EFCAB6: variants seen among roughly 807,000 people sequenced by gnomAD.
EFCAB6 encodes the protein EF-hand calcium-binding domain-containing protein 6.
In EFCAB6, 156 loss-of-function variants were observed where a neutral mutation model predicts 169.8. That is an observed-to-expected ratio of 0.92 (90% CI 0.81 to 1.05). EFCAB6 has a LOEUF of 1.05. EFCAB6 is among the 50% of genes least tolerant of loss of function. The probability of loss-of-function intolerance (pLI) is 0.00; values close to 1 mark genes in which losing one functional copy is unlikely to be tolerated. For synonymous variants in EFCAB6, 698 were observed against 676.4 expected (o/e 1.03, Z -0.50); for missense variants, 1,800 against 1,829.1 (o/e 0.98, Z 0.29).
At chr22:43,679,032 A>G (rs1430141769) in intron 12 of EFCAB6, among the ~76,000 whole-genome samples, 3 of 152,200 alleles carry the variant, frequency 2.0e-5, no homozygotes, top group Non-Finnish European at 4.4e-5. Flanking sequence ...AAGAGAAATC[A>G]CTGACAGCTA....
At chr22:43,780,742 C>G (rs986358754) in intron 3 of EFCAB6, among the ~76,000 whole-genome samples, 1 of 152,152 alleles carries the variant, frequency 6.6e-6, no homozygotes, top group African/African-American at 2.4e-5. Flanking sequence ...TGGGTAGACA[C>G]ACGGTTGTTG....
chr22:43,798,484 C>T (rs969353688), intron 2 of EFCAB6, among the ~76,000 whole-genome samples: 6 of 152,174 alleles, frequency 3.9e-5, no homozygotes, highest in African/African-American at 1.4e-4. Context: ...CCTTCCTTGA[C>T]ACCTCATGCT....
At chr22:43,722,791 A>G (rs184080793) in intron 8 of EFCAB6, among the ~76,000 whole-genome samples, 1 of 152,360 alleles carries the variant, frequency 6.6e-6, no homozygotes, top group African/African-American at 2.4e-5. Context: ...TAGCAAAGAC[A>G]TGGAATAAAC....
chr22:43,615,551 C>G (rs2053630123), intron 21 of EFCAB6, among the ~76,000 whole-genome samples: 1 of 152,126 alleles, frequency 6.6e-6, no homozygotes, highest in Non-Finnish European at 1.5e-5. Flanking sequence ...TTGCACCAAC[C>G]AAATAAATTT....
chr22:43,589,933 T>C (rs893289427), intron 24 of EFCAB6, 141 bp downstream of exon 24: 2 of 1,113,860 alleles, frequency 1.8e-6, no homozygotes, highest in African/African-American at 1.6e-5. Flanking sequence ...CCCATTCTAA[T>C]GTAACCCAGC....
In EFCAB6 at chr22:43,793,694, G is replaced by A. The variant is rs540051575; in HGVS notation, c.-7-11369C>T. Among the ~76,000 whole-genome samples the A allele has an allele frequency of 2.7e-4, 34 of 127,774 alleles. No homozygotes were observed. In the South Asian group the frequency reaches 8.6e-3, roughly 32 times the overall value. 83.8% of individuals were successfully genotyped at this position (127,774 alleles called of 152,430 possible). On this transcript the variant is annotated intron_variant, in intron 2 of 31. Coordinates refer to ENST00000262726, the MANE Select transcript of EFCAB6 (RefSeq NM_022785.4). ...GCTCTGTGGGGTACCTGTCTGACTA[G>A]AGACTAACACTACTCTGTGGGGTAC...
At chr22:43,779,902 A>T (rs1013361973) in intron 3 of EFCAB6, among the ~76,000 whole-genome samples, 1 of 152,230 alleles carries the variant, frequency 6.6e-6, no homozygotes, top group Non-Finnish European at 1.5e-5. Flanking sequence ...ACTAGTCACT[A>T]AAAAAGACCA....
intron 13 of EFCAB6, among the ~76,000 whole-genome samples, chr22:43,673,192 G>A (rs909685766): frequency 2.6e-5 from 4 of 151,714 alleles, no homozygotes; most frequent in South Asian, 2.1e-4. Flanking sequence ...GAAGAGAACC[G>A]GTAGCTAGGG....
intron 22 of EFCAB6, among the ~76,000 whole-genome samples, chr22:43,607,547 T>C (rs1220351670): frequency 6.6e-6 from 1 of 152,082 alleles, no homozygotes; most frequent in Non-Finnish European, 1.5e-5. Flanking sequence ...GGGCAGGGAG[T>C]CTAACTGGAC....
intron 23 of EFCAB6, among the ~76,000 whole-genome samples, chr22:43,591,471 AAAAAG>A (rs1449783315): frequency 7.0e-6 from 1 of 142,746 alleles, no homozygotes; most frequent in Non-Finnish European, 1.5e-5. Context: ...AAAAAAAAAA[AAAAAG>A]AAAAGAAAAA....
Position 43,765,363 on chromosome 22 carries a change from A to G in EFCAB6, c.382T>C (p.Tyr128His). Residue 128 changes from tyrosine to histidine, a missense_variant, in exon 5 of 32, where the codon TAC becomes CAC. Coordinates refer to ENST00000262726, the MANE Select transcript of EFCAB6 (RefSeq NM_022785.4). ...IPLSTSGTVPYLAFLSRFGGI... is the reference protein window; with the variant it reads ...IPLSTSGTVPHLAFLSRFGGI... ...CCAAACCTGGACAGAAAGGCAAGGT[A>G]CGGTACAGTACCAGAGGTGCTAAGG... 6.2e-7 allele frequency: 1 copy of G among 1,612,362 alleles called. No individual in the cohort carries two copies. The highest frequency in any genetic ancestry group is 8.5e-7 in the Non-Finnish European group (1 of 1,178,830).
At chr22:43,749,653 C>CCGCT (rs368519637) in intron 6 of EFCAB6, among the ~76,000 whole-genome samples, 45 of 152,284 alleles carry the variant, frequency 3.0e-4, no homozygotes, top group African/African-American at 1.1e-3. Flanking sequence ...CATTTGCCCA[C>CCGCT]CGCTCACCTC....
intron 3 of EFCAB6, among the ~76,000 whole-genome samples, chr22:43,780,304 T>C (rs748891475): frequency 6.6e-6 from 1 of 151,770 alleles, no homozygotes; most frequent in Non-Finnish European, 1.5e-5. Context: ...CTGGCCAACA[T>C]GGTGAAATCC....
chr22:43,726,402 A>T (rs1294093972), intron 8 of EFCAB6, among the ~76,000 whole-genome samples: 1 of 152,114 alleles, frequency 6.6e-6, no homozygotes, highest in East Asian at 1.9e-4. Context: ...AGCAGATAAC[A>T]TTTAAAACTC....
At chr22:43,751,479 G>A (rs551222134) in intron 6 of EFCAB6, among the ~76,000 whole-genome samples, 32 of 152,158 alleles carry the variant, frequency 2.1e-4, no homozygotes, top group Non-Finnish European at 2.9e-4. Flanking sequence ...GGCAGTCCTC[G>A]CCTGAAGAAT....
chr22:43,689,429 C>A (rs1043480984), intron 10 of EFCAB6, among the ~76,000 whole-genome samples: 1 of 151,782 alleles, frequency 6.6e-6, no homozygotes, highest in African/African-American at 2.4e-5. Flanking sequence ...AATGAACAGG[C>A]CTTAATAGAG....
chr22:43,665,345 A>G (rs755576451), intron 17 of EFCAB6, among the ~76,000 whole-genome samples: 5 of 152,158 alleles, frequency 3.3e-5, no homozygotes, highest in African/African-American at 1.2e-4. Context: ...CCAGGTAAGG[A>G]GCTGCTCTTG....
chr22:43,774,950 CT>C (rs146398980), intron 3 of EFCAB6, among the ~76,000 whole-genome samples: 30 of 152,186 alleles, frequency 2.0e-4, no homozygotes, highest in East Asian at 3.9e-4. Context: ...CACCTTCCCC[CT>C]GGTACCACGT....
intron 13 of EFCAB6, among the ~76,000 whole-genome samples, chr22:43,674,316 C>T (rs2057627529): frequency 6.6e-6 from 1 of 152,220 alleles, no homozygotes; most frequent in African/African-American, 2.4e-5. Context: ...GTGGCTGACA[C>T]TGCCTATCCC....
Sources: allele counts gnomAD v4.1 joint callset (sites outside exome capture counted in the v4.1 genomes callset), GRCh38; gene constraint gnomAD v4.1.1; transcripts MANE v1.5; gene names NCBI Gene and HGNC (gene_info 2026-07-23, HGNC 2026-07-21).